PICALM: variants seen among roughly 807,000 people sequenced by gnomAD.
PICALM encodes phosphatidylinositol binding clathrin assembly protein.
A neutral mutation model predicts 80.5 loss-of-function variants in PICALM; 40 were observed. The ratio of observed to expected loss-of-function variants is 0.50; its 90% CI spans 0.39 to 0.65. PICALM has a LOEUF of 0.65. Ranked by LOEUF, PICALM falls within the 30% of genes least tolerant of loss-of-function variation. The pLI, the probability that PICALM is intolerant of heterozygous loss-of-function variation, is 0.00. For missense variants in PICALM, 676 were observed against 778.9 expected (o/e 0.87, Z 1.57); for synonymous variants, 288 against 260.3 (o/e 1.11, Z -1.02).
At chr11:86,064,525 G>T (rs956678349) in intron 1 of PICALM, among the ~76,000 whole-genome samples, 23 of 151,550 alleles carry the variant, frequency 1.5e-4, no homozygotes, top group African/African-American at 5.6e-4. Flanking sequence ...GCTGTGCGTG[G>T]TAGCAGATGC....
intron 1 of PICALM, among the ~76,000 whole-genome samples, chr11:86,065,056 G>A (rs11825034): frequency 0.02 from 3,110 of 152,188 alleles, 115 homozygotes; most frequent in African/African-American, 0.071. Context: ...GCACACCAGA[G>A]ACAGAGCAAG....
chr11:86,068,886 C>G lies in PICALM; in HGVS notation c.-106G>C. ...CCACCGCACCCCCTACCCCCACCGG[C>G]TCCTTCCCCGCCTGCCGGCCTGGGG... On this transcript the variant is annotated 5_prime_UTR_variant, in exon 1 of 20. Coordinates refer to ENST00000393346, the MANE Select transcript of PICALM (RefSeq NM_007166.4). 1 of 1,405,852 alleles carries G rather than the reference C, an allele frequency of 7.1e-7. No individual in the cohort carries two copies. Among genetic ancestry groups the G allele is most frequent in the Non-Finnish European group, 9.3e-7 (1 of 1,071,572 alleles). 87.1% of individuals were successfully genotyped at this position (1,405,852 alleles called of 1,614,324 possible). A position where few individuals can be genotyped will look rare whatever the true frequency, so the allele number is the denominator to read the frequency against.
intron 1 of PICALM, among the ~76,000 whole-genome samples, chr11:86,061,649 T>C (rs2096367722): frequency 6.6e-6 from 1 of 152,182 alleles, no homozygotes; most frequent in African/African-American, 2.4e-5. Flanking sequence ...TCATTACTGG[T>C]GGGAATATAA....
At position 86,006,562 on chromosome 11, in the gene PICALM, G is replaced by A. The variant is rs576465179; in HGVS notation, c.807+980C>T. On this transcript the variant is annotated intron_variant, in intron 8 of 19. Transcript: ENST00000393346. ...CTTGGGAGGCTGAGGTGGGAGAATC[G>A]CTTGAACCCAGGAAGCGGAGGTTGC... Among the ~76,000 whole-genome samples, 83 of 152,232 alleles carry A rather than the reference G, an allele frequency of 5.5e-4. 1 individual carries two copies. The highest frequency in any genetic ancestry group is 1.7e-3 in the African/African-American group (71 of 41,542).
intron 1 of PICALM, among the ~76,000 whole-genome samples, chr11:86,045,101 A>G (rs1237009978): frequency 6.6e-6 from 1 of 152,218 alleles, no homozygotes; most frequent in Non-Finnish European, 1.5e-5. Flanking sequence ...ATTTTGAAAT[A>G]ATACTCTCTA....
chr11:86,030,760 T>C (rs2095737354), intron 2 of PICALM, among the ~76,000 whole-genome samples: 1 of 152,170 alleles, frequency 6.6e-6, no homozygotes, highest in South Asian at 2.1e-4. Flanking sequence ...GCCATCTTAG[T>C]CCTAAATATC....
chr11:86,052,852 T>C (rs949294973), intron 1 of PICALM, among the ~76,000 whole-genome samples: 3 of 152,200 alleles, frequency 2.0e-5, no homozygotes, highest in African/African-American at 7.2e-5. Context: ...AACCTGTCCC[T>C]CTCACAGTCC....
intron 1 of PICALM, among the ~76,000 whole-genome samples, chr11:86,043,751 C>T (rs984616420): frequency 1.3e-5 from 2 of 152,166 alleles, no homozygotes; most frequent in African/African-American, 4.8e-5. Flanking sequence ...AAAGCCTTCC[C>T]TGTAGGTAGG....
chr11:86,040,116 T>C (rs1266864042), intron 1 of PICALM, among the ~76,000 whole-genome samples: 1 of 151,952 alleles, frequency 6.6e-6, no homozygotes, highest in East Asian at 1.9e-4. Flanking sequence ...GTCTTAGTGT[T>C]ATAAGAATGG....
intron 11 of PICALM, among the ~76,000 whole-genome samples, chr11:85,997,281 C>T (rs111267952): frequency 6.6e-6 from 1 of 152,020 alleles, no homozygotes; most frequent in African/African-American, 2.4e-5. Flanking sequence ...TTTAATAAAA[C>T]TCTTTTCTTA....
intron 1 of PICALM, among the ~76,000 whole-genome samples, chr11:86,063,174 TTAAAA>T (rs1451368385): frequency 6.6e-6 from 1 of 152,224 alleles, no homozygotes; most frequent in African/African-American, 2.4e-5. Flanking sequence ...ATTCTGATTA[TTAAAA>T]TAGATTATTT....
rs1171309778 is a variant in PICALM at position 85,957,605 on chromosome 11, G to T, written c.*1441C>A. 4 of 189,452 alleles carry T rather than the reference G, an allele frequency of 2.1e-5. No individual in the cohort carries two copies. The highest frequency in any genetic ancestry group is 9.3e-5 in the African/African-American group (4 of 42,844). The allele number at this position is 189,452 out of a possible 1,614,324, so 11.7% of individuals were successfully genotyped here. A position where few individuals can be genotyped will look rare whatever the true frequency, so the allele number is the denominator to read the frequency against. On this transcript the variant is annotated 3_prime_UTR_variant, in exon 20 of 20. Transcript: ENST00000393346. ...ATAATCACCTGGGTATATTTTATTA[G>T]GGAAAAATGACAATATTGATAATAA... is the stretch of plus-strand genomic sequence containing the variant.
At chr11:86,062,519 A>C (rs916900401) in intron 1 of PICALM, among the ~76,000 whole-genome samples, 1 of 143,048 alleles carries the variant, frequency 7.0e-6, no homozygotes, top group Non-Finnish European at 1.5e-5. Flanking sequence ...ACTCCGTCTC[A>C]AAAAAAAAAA....
intron 1 of PICALM, among the ~76,000 whole-genome samples, chr11:86,061,330 CAAA>C (rs58836221): frequency 0.019 from 1,561 of 80,662 alleles, 9 homozygotes; most frequent in African/African-American, 0.071. Context: ...GACTCCATCT[CAAA>C]AAAAAAAAAA....
At chr11:85,962,442 C>T (rs984670731) in intron 19 of PICALM, among the ~76,000 whole-genome samples, 22 of 152,170 alleles carry the variant, frequency 1.4e-4, no homozygotes, top group African/African-American at 4.6e-4. Flanking sequence ...AGCCCCACAC[C>T]GAAATACCTT....
rs370774354 is a variant in PICALM, at chr11:85,981,770, C to A, written c.1654G>T (p.Gly552Cys). 1 of 1,612,284 alleles carries A rather than the reference C, an allele frequency of 6.2e-7. No homozygotes were observed. The highest frequency in any genetic ancestry group is 1.1e-5 in the South Asian group (1 of 91,038). Residue 552 changes from glycine (G) to cysteine (C), a missense_variant, in exon 16 of 20, where the codon GGC (glycine) becomes TGC (cysteine). This residue lies in a region of PICALM where 391 missense variants were observed against 383.6 expected (regional missense o/e 1.02). Coordinates refer to ENST00000393346, the MANE Select transcript of PICALM (RefSeq NM_007166.4). The stretch of plus-strand genomic sequence containing the variant: ...TTCTTAGTGGTTCCATTTCCGATGC[C>A]AAGATCTAGGAAAGGAGAAAAACAA... ...SSLANLVGNL[G>C]IGNGTTKNDV... is the part of the protein sequence containing the mutation.
intron 1 of PICALM, among the ~76,000 whole-genome samples, chr11:86,036,945 C>CAAAAACAAAA (rs2095851287): frequency 7.9e-6 from 1 of 125,914 alleles, no homozygotes; most frequent in African/African-American, 3.2e-5. Context: ...CAACAACAAC[C>CAAAAACAAAA]AAAAAAAAAA....
intron 13 of PICALM, among the ~76,000 whole-genome samples, chr11:85,986,430 C>T (rs193206227): frequency 0.014 from 1,827 of 131,292 alleles, 38 homozygotes; most frequent in African/African-American, 0.049. Flanking sequence ...GTCACCCAGG[C>T]CGGACTGCGG....
At chr11:86,062,324 C>T (rs2096380658) in intron 1 of PICALM, among the ~76,000 whole-genome samples, 2 of 152,142 alleles carry the variant, frequency 1.3e-5, no homozygotes, top group Non-Finnish European at 2.9e-5. Flanking sequence ...CGAGACCAGC[C>T]TGGCCAACAT....
Sources: allele counts gnomAD v4.1 joint callset (sites outside exome capture counted in the v4.1 genomes callset), GRCh38; gene constraint gnomAD v4.1.1; regional missense constraint gnomAD v4.1.1; transcripts MANE v1.5; gene names NCBI Gene and HGNC (gene_info 2026-07-23, HGNC 2026-07-21).